CCDC33: variants seen among roughly 807,000 people sequenced by gnomAD.
The protein encoded by CCDC33 is coiled-coil domain-containing protein 33.
In CCDC33, 94 loss-of-function variants were observed where a neutral mutation model predicts 91.9. The ratio of observed to expected loss-of-function variants is 1.02; its 90% confidence interval spans 0.87 to 1.21. The LOEUF is 1.21. Ranked by LOEUF, CCDC33 falls within the 50% of genes most tolerant of loss-of-function variation. The pLI, the probability that CCDC33 is intolerant of heterozygous loss-of-function variation, is 0.00. For missense variants in CCDC33, 940 were observed against 935.5 expected (o/e 1.00, Z -0.06); for synonymous variants, 396 against 374.5 (o/e 1.06, Z -0.66).
intron 10 of CCDC33, among the ~76,000 whole-genome samples, chr15:74,283,566 C>T (rs1362738973): frequency 6.6e-6 from 1 of 152,202 alleles, no homozygotes; most frequent in Non-Finnish European, 1.5e-5. Flanking sequence ...ACTAAATTAT[C>T]CCTCCAAGTC....
chr15:74,225,515 A>T (rs1018859168), intron 2 of CCDC33, among the ~76,000 whole-genome samples: 2 of 151,058 alleles, frequency 1.3e-5, no homozygotes, highest in African/African-American at 4.9e-5. Flanking sequence ...CATCCTCAAC[A>T]TGCAGAGACC....
At chr15:74,219,283 G>A (rs1418544013) in intron 2 of CCDC33, among the ~76,000 whole-genome samples, 1 of 152,150 alleles carries the variant, frequency 6.6e-6, no homozygotes, top group East Asian at 1.9e-4. Context: ...CAGGACCCAG[G>A]TGAGAGAGTC....
intron 1 of CCDC33, among the ~76,000 whole-genome samples, chr15:74,239,317 G>A (rs955783357): frequency 6.6e-6 from 1 of 151,902 alleles, no homozygotes; most frequent in Non-Finnish European, 1.5e-5. Flanking sequence ...CAACCCACCC[G>A]CGGGAGCTGA....
At chr15:74,317,113 A>C (rs1413232628) in intron 11 of CCDC33, among the ~76,000 whole-genome samples, 1 of 152,146 alleles carries the variant, frequency 6.6e-6, no homozygotes, top group Admixed American at 6.5e-5. Context: ...TAATCCCAGC[A>C]TTTTGGGAGG....
At chr15:74,268,605 T>G in intron 5 of CCDC33, 147 bp downstream of exon 5, 17 of 581,248 alleles carry the variant, frequency 2.9e-5, no homozygotes, top group East Asian at 3.0e-5. Context: ...AACCAGGCCT[T>G]TCCAAAATAG....
chr15:74,224,759 C>T (rs549877162), intron 2 of CCDC33, among the ~76,000 whole-genome samples: 1 of 152,190 alleles, frequency 6.6e-6, no homozygotes, highest in Admixed American at 6.5e-5. Flanking sequence ...GTTAGCCTTG[C>T]CCTGCAGTAA....
intron 1 of CCDC33, chr15:74,243,755 G>C (rs2075422839): frequency 1.8e-6 from 1 of 558,726 alleles, no homozygotes. Flanking sequence ...TCAGGAGTTT[G>C]AGACCATGGG....
intron 2 of CCDC33, among the ~76,000 whole-genome samples, chr15:74,224,899 AG>A (rs1190648538): frequency 6.6e-6 from 1 of 152,154 alleles, no homozygotes; most frequent in Non-Finnish European, 1.5e-5. Context: ...CAGTCTCCCA[AG>A]GGAGGGGTGT....
rs1423901434 is a variant in CCDC33 at position 74,330,645 on chromosome 15, C to T, written c.1457-18C>T. The T allele has an allele frequency of 6.2e-7, 1 of 1,606,228 alleles. No homozygotes were observed. The highest frequency in any genetic ancestry group is 8.5e-7 in the Non-Finnish European group (1 of 1,174,014). On this transcript the variant is annotated intron_variant, in intron 12 of 18. Transcript: ENST00000398814. ...GAGAGGCTTCCTCCCTGAGCCAGCT[C>T]CCCAACCCACCTAACAGTGTCCATG...
intron 2 of CCDC33, among the ~76,000 whole-genome samples, chr15:74,254,575 C>T (rs2075802842): frequency 6.6e-6 from 1 of 152,130 alleles, no homozygotes; most frequent in Admixed American, 6.5e-5. Flanking sequence ...AGTAGGCATT[C>T]TCCTTTCTTG....
chr15:74,335,525 A>G (rs369503638), intron 18 of CCDC33: 25 of 367,630 alleles, frequency 6.8e-5, no homozygotes, highest in South Asian at 3.2e-4. Context: ...CCACTTTGCC[A>G]ACTTCCCGAG....
chr15:74,206,349 C>A (rs2074261825), intron 1 of CCDC33, among the ~76,000 whole-genome samples: 1 of 152,192 alleles, frequency 6.6e-6, no homozygotes, highest in African/African-American at 2.4e-5. Flanking sequence ...AAGGTACCTC[C>A]TCAGCTTGGG....
At chr15:74,211,784 G>T (rs1416995402) in intron 2 of CCDC33, among the ~76,000 whole-genome samples, 1 of 151,958 alleles carries the variant, frequency 6.6e-6, no homozygotes, top group African/African-American at 2.4e-5. Flanking sequence ...TCCCTGGTAT[G>T]CCACTCTCTG....
intron 10 of CCDC33, among the ~76,000 whole-genome samples, chr15:74,288,863 C>T (rs1041522123): frequency 3.9e-5 from 6 of 152,212 alleles, no homozygotes; most frequent in Non-Finnish European, 8.8e-5. Flanking sequence ...TGATCTTAGC[C>T]ATCCTGAGTT....
intron 1 of CCDC33, among the ~76,000 whole-genome samples, chr15:74,241,229 G>A (rs2075338164): frequency 6.6e-6 from 1 of 152,158 alleles, no homozygotes; most frequent in South Asian, 2.1e-4. Flanking sequence ...GTCAGAGGAA[G>A]GAGAGGGGGG....
intron 16 of CCDC33, chr15:74,333,330 G>T (rs1391721750): frequency 6.4e-7 from 1 of 1,566,950 alleles, no homozygotes; most frequent in Admixed American, 1.9e-5. Flanking sequence ...CAGGTGGGTG[G>T]CCCAGGGCCC....
At chr15:74,306,785 G>A (rs2059901425) in intron 11 of CCDC33, among the ~76,000 whole-genome samples, 1 of 152,232 alleles carries the variant, frequency 6.6e-6, no homozygotes, top group African/African-American at 2.4e-5. Context: ...AGGCTCAGAG[G>A]AGATGAGAAC....
intron 2 of CCDC33, among the ~76,000 whole-genome samples, chr15:74,226,084 T>C (rs2074786125): frequency 6.6e-6 from 1 of 152,212 alleles, no homozygotes; most frequent in Admixed American, 6.5e-5. Context: ...TTCATTCACT[T>C]TCCCAAGCAG....
chr15:74,258,487 G>A (rs910950401), intron 2 of CCDC33, among the ~76,000 whole-genome samples: 1 of 152,198 alleles, frequency 6.6e-6, no homozygotes, highest in Non-Finnish European at 1.5e-5. Flanking sequence ...AGGACAGGCA[G>A]GGCAGGTGGG....
Sources: allele counts gnomAD v4.1 joint callset (sites outside exome capture counted in the v4.1 genomes callset), GRCh38; gene constraint gnomAD v4.1.1; transcripts MANE v1.5; gene names NCBI Gene and HGNC (gene_info 2026-07-23, HGNC 2026-07-21).